The following CDH23 variants were observed in gnomAD, a reference collection of about 807,000 sequenced individuals.
CDH23 encodes cadherin-23.
CDH23 carries 189 observed loss-of-function variants against 317.1 expected under a neutral mutation model. The observed-to-expected ratio is 0.60, with a 90% CI of 0.53 to 0.67. CDH23 has a LOEUF of 0.67. Among genes scored for constraint, CDH23 ranks in the 30% least tolerant of loss-of-function variants. The pLI is 0.00. For synonymous variants in CDH23, 1,839 were observed against 1,876.8 expected (o/e 0.98, Z 0.52); for missense variants, 4,401 against 4,592.4 (o/e 0.96, Z 1.20).
At chr10:71,655,378 G>T (rs773015086) in intron 14 of CDH23, among the ~76,000 whole-genome samples, 1 of 152,030 alleles carries the variant, frequency 6.6e-6, no homozygotes, top group Non-Finnish European at 1.5e-5. Flanking sequence ...TTGCCACGGC[G>T]TCTTTACTTG....
At chr10:71,688,890 G>T (rs1589335777) in intron 19 of CDH23, among the ~76,000 whole-genome samples, 1 of 121,804 alleles carries the variant, frequency 8.2e-6, no homozygotes, top group Non-Finnish European at 1.8e-5. Context: ...GCCAGGGGTG[G>T]TGGAGCCAGG....
chr10:71,785,066 G>A lies in CDH23; in HGVS notation c.5678G>A (p.Gly1893Asp). Residue 1893 changes from glycine to aspartate, a missense_variant, in exon 43 of 70, where the codon GGC becomes GAC. By Grantham distance (94) the Gly-to-Asp change is moderately conservative. Coordinates refer to ENST00000224721, the MANE Select transcript of CDH23 (RefSeq NM_022124.6). ...NARLTFNITA[G>D]NRERAFFINA... ...CGCCTCACCTTCAACATCACTGCGG[G>A]CAACCGCGAGCGGGCCTTCTTCATC... 6.2e-7 allele frequency: 1 copy of A among 1,614,080 alleles called. No individual in the cohort carries two copies. The highest frequency in any genetic ancestry group is 8.5e-7 in the Non-Finnish European group (1 of 1,179,898).
intron 11 of CDH23, among the ~76,000 whole-genome samples, chr10:71,625,421 A>AAAAAAAAAAAAAAAAC (rs778124827): frequency 1.1e-5 from 1 of 92,378 alleles, no homozygotes; most frequent in African/African-American, 4.0e-5. Context: ...AAAAAAAAAA[A>AAAAAAAAAAAAAAAAC]AAATGACAAG....
At chr10:71,524,388 C>T (rs1480527771) in intron 6 of CDH23, among the ~76,000 whole-genome samples, 1 of 152,142 alleles carries the variant, frequency 6.6e-6, no homozygotes, top group Non-Finnish European at 1.5e-5. Flanking sequence ...CTTCCAAGAC[C>T]CGTGCTGAAG....
At position 71,793,558 on chromosome 10, in the gene CDH23, C is replaced by T; in HGVS notation, c.6630C>T (p.His2210=). 1 of 1,613,172 alleles carries T rather than the reference C, an allele frequency of 6.2e-7. No homozygotes were observed. The highest frequency in any genetic ancestry group is 8.5e-7 in the Non-Finnish European group (1 of 1,179,420). Residue 2210 remains histidine, a synonymous_variant, in exon 48 of 70, where the codon CAC becomes CAT. Transcript: ENST00000224721. The part of the protein sequence containing the change: ...DHDLNPKLEY[H]IVGIVAKDDT... ...ACCTCAACCCAAAGCTAGAGTACCA[C>T]ATTGTCGGCATTGTGGCCAAGGACG...
At chr10:71,404,493 G>A (rs1848006777) in intron 1 of CDH23, among the ~76,000 whole-genome samples, 1 of 152,236 alleles carries the variant, frequency 6.6e-6, no homozygotes. Flanking sequence ...CTGTACTCAA[G>A]GTCTGGAAGT....
At chr10:71,642,393 C>CTTTTTTTTTTTT (rs781291264) in intron 11 of CDH23, among the ~76,000 whole-genome samples, 1 of 85,426 alleles carries the variant, frequency 1.2e-5, no homozygotes, top group Non-Finnish European at 2.1e-5. Context: ...GGCCCGGCCT[C>CTTTTTTTTTTTT]TTTTTTTTTT....
At chr10:71,785,509 T>G in intron 43 of CDH23, 122 bp from the exon 44 acceptor site, 2 of 673,254 alleles carry the variant, frequency 3.0e-6, no homozygotes, top group Non-Finnish European at 5.3e-6. Context: ...ACCCACATTT[T>G]TGGCCTTCTA....
chr10:71,505,580 C>G (rs1261706622), intron 3 of CDH23, among the ~76,000 whole-genome samples: 1 of 152,160 alleles, frequency 6.6e-6, no homozygotes, highest in Non-Finnish European at 1.5e-5. Context: ...GGAGAACACT[C>G]ACAGGCGCTG....
intron 1 of CDH23, among the ~76,000 whole-genome samples, chr10:71,404,456 G>T (rs1455753949): frequency 6.6e-6 from 1 of 152,186 alleles, no homozygotes; most frequent in Non-Finnish European, 1.5e-5. Context: ...ATACCCCCTT[G>T]CTCCTTTAGC....
In CDH23 at chr10:71,793,591, T is replaced by C. The variant is rs1323208991; in HGVS notation, c.6663T>C (p.Asp2221=). The C allele has an allele frequency of 1.2e-6, 2 of 1,609,166 alleles. No homozygotes were observed. The highest frequency in any genetic ancestry group is 2.2e-5 in the East Asian group (1 of 44,800). Residue 2221 remains aspartate (D), a synonymous_variant, in exon 48 of 70, where the codon GAT becomes GAC. Transcript: ENST00000224721. ...IVGIVAKDDT[D]RLVPNQEDAF... ...GCATTGTGGCCAAGGACGACACTGATCGCCTGGTGCCCAACCAGGAGGACG... is the reference window on the plus strand; with the variant it reads ...GCATTGTGGCCAAGGACGACACTGACCGCCTGGTGCCCAACCAGGAGGACG...
At chr10:71,559,394 C>G (rs1857016891) in intron 6 of CDH23, among the ~76,000 whole-genome samples, 1 of 152,136 alleles carries the variant, frequency 6.6e-6, no homozygotes, top group South Asian at 2.1e-4. Context: ...TGAATGCCTT[C>G]TATGCACAAG....
At chr10:71,792,673 T>A (rs1841282564) in intron 47 of CDH23, among the ~76,000 whole-genome samples, 1 of 151,044 alleles carries the variant, frequency 6.6e-6, no homozygotes, top group South Asian at 2.1e-4. Flanking sequence ...ATACAAAAAA[T>A]TAGCCAGGCA....
intron 11 of CDH23, among the ~76,000 whole-genome samples, chr10:71,639,976 T>C (rs1482893179): frequency 1.3e-5 from 2 of 152,090 alleles, no homozygotes; most frequent in Admixed American, 1.3e-4. Context: ...ATCCTGAGGG[T>C]CTTAGGACAT....
intron 36 of CDH23, among the ~76,000 whole-genome samples, 181 bp from the exon 37 acceptor site, chr10:71,740,641 T>C (rs1230672086): frequency 6.6e-6 from 1 of 152,154 alleles, no homozygotes; most frequent in East Asian, 1.9e-4. Flanking sequence ...GGTGAAGGCT[T>C]TGGGGAGAGC....
At chr10:71,535,989 C>T (rs1420893848) in intron 6 of CDH23, among the ~76,000 whole-genome samples, 1 of 152,230 alleles carries the variant, frequency 6.6e-6, no homozygotes, top group Non-Finnish European at 1.5e-5. Flanking sequence ...CAGAAGTCCT[C>T]GATCTCCAGG....
chr10:71,680,983 C>T (rs560774253), intron 17 of CDH23, among the ~76,000 whole-genome samples: 82 of 151,028 alleles, frequency 5.4e-4, no homozygotes, highest in African/African-American at 1.9e-3. Context: ...CGTGCCACCA[C>T]GCCCAGCTAA....
rs369499952 is a variant in CDH23 at position 71,407,033 on chromosome 10, C to T, written c.-6+9715C>T. Among the ~76,000 whole-genome samples the T allele has an allele frequency of 9.2e-5, 14 of 152,346 alleles. No individual in the cohort carries two copies. In the South Asian group the frequency reaches 1.0e-3, roughly 11 times the overall value. On this transcript the variant is annotated intron_variant, in intron 1 of 69. Coordinates refer to ENST00000224721, the MANE Select transcript of CDH23 (RefSeq NM_022124.6). ...CTACGAATTAGGGTCAGCTGTTACT[C>T]TTATGTTACAGGTGAGAAATATGAG...
At chr10:71,790,515 G>C in intron 46 of CDH23, 102 bp downstream of exon 46, 1 of 1,437,826 alleles carries the variant, frequency 7.0e-7, no homozygotes, top group Non-Finnish European at 9.3e-7. Flanking sequence ...GACCCAGGCT[G>C]TCCGTGGAGA....
Sources: allele counts gnomAD v4.1 joint callset (sites outside exome capture counted in the v4.1 genomes callset), GRCh38; gene constraint gnomAD v4.1.1; transcripts MANE v1.5; gene names NCBI Gene and HGNC (gene_info 2026-07-23, HGNC 2026-07-21).